The following ACTR3C variants were observed in gnomAD, a reference collection of about 807,000 sequenced individuals.
ACTR3C encodes the protein actin related protein 3C.
In ACTR3C, 18 loss-of-function variants were observed where a neutral mutation model predicts 26.3. The observed-to-expected ratio is 0.68, with a 90% CI of 0.47 to 1.01. ACTR3C has a LOEUF of 1.01. Ranked by LOEUF, ACTR3C falls within the 50% of genes least tolerant of loss-of-function variation. The pLI is 0.00. For synonymous variants in ACTR3C, 55 were observed against 94.5 expected (o/e 0.58, Z 2.42); for missense variants, 184 against 250.7 (o/e 0.73, Z 1.80).
At chr7:149,956,606 A>G in the ACTR3C span, among the ~76,000 whole-genome samples, 1 of 152,164 alleles carries the variant, frequency 6.6e-6, no homozygotes, top group Non-Finnish European at 1.5e-5. Context: ...TGTGTCTTTC[A>G]TAATGTATGG....
the ACTR3C span, among the ~76,000 whole-genome samples, chr7:149,884,060 A>C: frequency 1.3e-5 from 2 of 152,212 alleles, no homozygotes; most frequent in African/African-American, 4.8e-5. Context: ...GAAGCCCTCA[A>C]AGAGCAGCCC....
At chr7:149,964,934 C>T in the ACTR3C span, among the ~76,000 whole-genome samples, 1 of 152,054 alleles carries the variant, frequency 6.6e-6, no homozygotes, top group African/African-American at 2.4e-5. Flanking sequence ...AGGTCTCACC[C>T]TCATCTGCAA....
At chr7:150,016,318 T>C in the ACTR3C span, among the ~76,000 whole-genome samples, 1 of 152,110 alleles carries the variant, frequency 6.6e-6, no homozygotes, top group Admixed American at 6.5e-5. Flanking sequence ...GATCTAGGTA[T>C]AGATGGATGT....
the ACTR3C span, among the ~76,000 whole-genome samples, chr7:150,179,903 G>T: frequency 6.6e-5 from 10 of 151,544 alleles, no homozygotes; most frequent in African/African-American, 2.5e-4. Context: ...ATGACTGTTA[G>T]GGTTTAGATA....
At chr7:150,230,424 C>T in the ACTR3C span, among the ~76,000 whole-genome samples, 2 of 152,136 alleles carry the variant, frequency 1.3e-5, no homozygotes, top group African/African-American at 4.8e-5. Context: ...AGGTCCTCAA[C>T]CCTTGGGCAA....
the ACTR3C span, among the ~76,000 whole-genome samples, chr7:149,979,839 A>G: frequency 6.7e-6 from 1 of 149,924 alleles, no homozygotes; most frequent in Non-Finnish European, 1.5e-5. Flanking sequence ...TTCCCATAGA[A>G]AGTAAAGACT....
At chr7:150,238,153 T>G in the ACTR3C span, among the ~76,000 whole-genome samples, 1 of 145,934 alleles carries the variant, frequency 6.9e-6, no homozygotes, top group African/African-American at 2.7e-5. Flanking sequence ...CATAAAATTA[T>G]ATAATAATTA....
rs1267879882 is a variant in ACTR3C, at chr7:150,323,520, C to T, written c.-103G>A. On this transcript the variant is annotated 5_prime_UTR_variant, in exon 1 of 8. Coordinates refer to ENST00000683684, the MANE Select transcript of ACTR3C (RefSeq NM_001164458.2). The stretch of plus-strand genomic sequence containing the variant: ...TGCGGAGTTGCGCCGGACTTCCCAG[C>T]TTGGCCAGTGGCTCCGCAGGCTGCC... 2.3e-6 allele frequency: 1 copy of T among 438,290 alleles called. No homozygotes were observed. Among genetic ancestry groups the T allele is most frequent in the Admixed American group, 2.5e-5 (1 of 40,400 alleles). The allele number at this position is 438,290 out of a possible 1,614,324, so 27.2% of individuals were successfully genotyped here. A position where few individuals can be genotyped will look rare whatever the true frequency, so the allele number is the denominator to read the frequency against.
At chr7:150,198,365 C>G in the ACTR3C span, among the ~76,000 whole-genome samples, 1 of 148,748 alleles carries the variant, frequency 6.7e-6, no homozygotes, top group Non-Finnish European at 1.5e-5. Flanking sequence ...TGAGGAGCGT[C>G]TGCGCCCGGC....
At chr7:150,198,917 T>A in the ACTR3C span, among the ~76,000 whole-genome samples, 1 of 127,196 alleles carries the variant, frequency 7.9e-6, no homozygotes, top group Non-Finnish European at 1.6e-5. Context: ...AGCCGCCCCG[T>A]CCGGGAGGGA....
At chr7:150,160,852 A>G in the ACTR3C span, among the ~76,000 whole-genome samples, 36 of 149,782 alleles carry the variant, frequency 2.4e-4, no homozygotes, top group Non-Finnish European at 4.4e-4. Flanking sequence ...TTAATGTATG[A>G]TTTATACATT....
At chr7:149,984,329 G>T in the ACTR3C span, among the ~76,000 whole-genome samples, 2 of 151,934 alleles carry the variant, frequency 1.3e-5, no homozygotes, top group Non-Finnish European at 2.9e-5. Flanking sequence ...TCAGCCTCCT[G>T]AGGAGCCGGG....
At chr7:149,915,908 T>C in the ACTR3C span, among the ~76,000 whole-genome samples, 13 of 151,284 alleles carry the variant, frequency 8.6e-5, no homozygotes, top group South Asian at 4.2e-4. Context: ...AAATAAATTA[T>C]ATTACATCCA....
At chr7:150,217,404 C>CT in the ACTR3C span, among the ~76,000 whole-genome samples, 1 of 148,640 alleles carries the variant, frequency 6.7e-6, no homozygotes, top group African/African-American at 2.6e-5. Flanking sequence ...CAATCCAAAC[C>CT]TTTGCTTTCT....
At chr7:150,008,328 C>A in the ACTR3C span, among the ~76,000 whole-genome samples, 4,459 of 152,292 alleles carry the variant, frequency 0.029, 228 homozygotes, top group African/African-American at 0.1. Flanking sequence ...CCGGGCTGGA[C>A]GTGCTCTGAG....
At chr7:150,214,961 A>G in the ACTR3C span, among the ~76,000 whole-genome samples, 1 of 151,974 alleles carries the variant, frequency 6.6e-6, no homozygotes, top group Non-Finnish European at 1.5e-5. Context: ...ACATCCTTTA[A>G]GGATGAAATC....
chr7:150,117,990 G>GTGAC, the ACTR3C span, among the ~76,000 whole-genome samples: 1 of 152,160 alleles, frequency 6.6e-6, no homozygotes, highest in South Asian at 2.1e-4. Flanking sequence ...TGCAGAAGAG[G>GTGAC]TGACTGACTG....
intron 1 of ACTR3C, among the ~76,000 whole-genome samples, chr7:150,310,148 T>C (rs756854945): frequency 1.4e-4 from 22 of 152,168 alleles, no homozygotes; most frequent in Non-Finnish European, 2.4e-4. Flanking sequence ...CTTCCCTGGT[T>C]ATTCCTGGGC....
At chr7:150,115,602 CCAAT>C in the ACTR3C span, among the ~76,000 whole-genome samples, 9 of 152,170 alleles carry the variant, frequency 5.9e-5, no homozygotes, top group Non-Finnish European at 1.0e-4. Flanking sequence ...TCTCTCTAGC[CCAAT>C]CAAAGATCTA....
Sources: gnomAD v4.1 joint callset for allele counts (sites outside exome capture counted in the v4.1 genomes callset) on GRCh38, gnomAD v4.1.1 for gene constraint, MANE v1.5 for transcripts, NCBI Gene and HGNC (gene_info 2026-07-23, HGNC 2026-07-21) for gene names.